RALGPS2: variants seen among roughly 807,000 people sequenced by gnomAD.
RALGPS2 encodes the protein ras-specific guanine nucleotide-releasing factor RalGPS2.
Under a neutral mutation model 86.8 loss-of-function variants are expected in RALGPS2, and 43 were observed. That is an observed-to-expected ratio of 0.50 (90% CI 0.39 to 0.64). RALGPS2 has a LOEUF of 0.64. Ranked by LOEUF, RALGPS2 falls within the 30% of genes least tolerant of loss-of-function variation. The pLI, the probability that RALGPS2 is intolerant of heterozygous loss-of-function variation, is 0.00. For synonymous variants in RALGPS2, 243 were observed against 231.3 expected (o/e 1.05, Z -0.46); for missense variants, 536 against 694.6 (o/e 0.77, Z 2.57).
At chr1:178,728,874 T>A (rs1650180645) in intron 1 of RALGPS2, among the ~76,000 whole-genome samples, 1 of 152,212 alleles carries the variant, frequency 6.6e-6, no homozygotes, top group Non-Finnish European at 1.5e-5. Flanking sequence ...GTGTTACATT[T>A]ACCTATTCTA....
intron 1 of RALGPS2, among the ~76,000 whole-genome samples, chr1:178,763,976 G>C (rs1027751314): frequency 1.3e-5 from 2 of 151,992 alleles, no homozygotes; most frequent in Admixed American, 6.6e-5. Flanking sequence ...TCTCTTGTCT[G>C]TGTGGAGTGT....
At chr1:178,781,843 A>G (rs899834236) in intron 2 of RALGPS2, among the ~76,000 whole-genome samples, 3 of 152,160 alleles carry the variant, frequency 2.0e-5, no homozygotes, top group Non-Finnish European at 4.4e-5. Context: ...TAGTTTTGGG[A>G]TGTAAAATAA....
At chr1:178,791,360 C>G (rs1432977618) in intron 4 of RALGPS2, among the ~76,000 whole-genome samples, 1 of 149,550 alleles carries the variant, frequency 6.7e-6, no homozygotes, top group African/African-American at 2.5e-5. Flanking sequence ...AATGCCTGGG[C>G]TCAAGCGATC....
intron 17 of RALGPS2, 111 bp from the exon 18 acceptor site, chr1:178,901,995 C>A: frequency 1.3e-6 from 1 of 763,908 alleles, no homozygotes. Flanking sequence ...CATGAAGTCA[C>A]AAATCTCATC....
At chr1:178,826,945 T>TA (rs1224320245) in intron 7 of RALGPS2, among the ~76,000 whole-genome samples, 1 of 152,220 alleles carries the variant, frequency 6.6e-6, no homozygotes, top group Non-Finnish European at 1.5e-5. Context: ...ATAGAACTAT[T>TA]AGAGTTCTAA....
chr1:178,906,783 G>T lies in RALGPS2; in HGVS notation c.1638G>T (p.Ser546=), dbSNP rs140232612. The T allele has an allele frequency of 1.2e-6, 2 of 1,608,542 alleles. No homozygotes were observed. The highest frequency in any genetic ancestry group is 8.5e-7 in the Non-Finnish European group (1 of 1,178,216). The change falls in exon 19 of 20, where the codon TCG becomes TCT. Residue 546 remains serine (S), a synonymous_variant. Transcript: ENST00000367635. ...FLLTDSEKGN[S]YKFQAGNRMN... Reference sequence around the variant, plus strand: ...TATTTTGGATAATTTTAGGAAATTCGTACAAGTTTCAAGCTGGCAATAGAA... The same window carrying T: ...TATTTTGGATAATTTTAGGAAATTCTTACAAGTTTCAAGCTGGCAATAGAA...
In RALGPS2 at chr1:178,921,265, G is replaced by C. The variant is rs959434040; in HGVS notation, c.*4906G>C. The C allele has an allele frequency of 9.9e-5, 15 of 151,862 alleles. No individual in the cohort carries two copies. The highest frequency in any genetic ancestry group is 3.6e-4 in the African/African-American group (15 of 41,362). 9.4% of individuals were successfully genotyped at this position (151,862 alleles called of 1,614,324 possible). A position where few individuals can be genotyped will look rare whatever the true frequency, so the allele number is the denominator to read the frequency against. ...TACATAATTACAGTGTTTTGGGATT[G>C]GGCTCTTTTTTTTCTTAATAGAAAA... On this transcript the variant is annotated 3_prime_UTR_variant, in exon 20 of 20. Transcript: ENST00000367635.
intron 4 of RALGPS2, among the ~76,000 whole-genome samples, chr1:178,797,852 A>G (rs1007186580): frequency 6.6e-6 from 1 of 151,074 alleles, no homozygotes; most frequent in Non-Finnish European, 1.5e-5. Flanking sequence ...CTCCTCTCCT[A>G]CTCCTCACCA....
At chr1:178,845,101 CAA>C (rs769062978) in intron 8 of RALGPS2, among the ~76,000 whole-genome samples, 15 of 85,514 alleles carry the variant, frequency 1.8e-4, no homozygotes, top group Admixed American at 1.3e-4. Context: ...GACTCCATCT[CAA>C]AAAAAAAAAA....
chr1:178,803,896 T>C (rs1654603374), intron 4 of RALGPS2, among the ~76,000 whole-genome samples: 1 of 152,184 alleles, frequency 6.6e-6, no homozygotes, highest in Non-Finnish European at 1.5e-5. Context: ...GTTTTTAGCT[T>C]ACATCACATG....
rs1572396284 is a variant in RALGPS2 at position 178,848,575 on chromosome 1, A to G, written c.607+15025A>G. Among the ~76,000 whole-genome samples the G allele has an allele frequency of 2.0e-5, 3 of 152,260 alleles. No individual in the cohort carries two copies. The East Asian group carries it at 5.8e-4, about 29-fold the overall frequency. ...TTTTGGTCCAGCCACTTAACTGCCT[A>G]CTATAACAGCTGTCATGGCTTTGTT... On this transcript the variant is annotated intron_variant, in intron 8 of 19. Coordinates refer to ENST00000367635, the MANE Select transcript of RALGPS2 (RefSeq NM_152663.5).
chr1:178,790,877 C>T (rs926132567), intron 4 of RALGPS2, among the ~76,000 whole-genome samples: 1 of 152,056 alleles, frequency 6.6e-6, no homozygotes, highest in Admixed American at 6.6e-5. Flanking sequence ...AAAATGATGT[C>T]TCTTTATATA....
chr1:178,731,530 A>C (rs948190970), intron 1 of RALGPS2, among the ~76,000 whole-genome samples: 14 of 151,728 alleles, frequency 9.2e-5, no homozygotes, highest in African/African-American at 3.4e-4. Flanking sequence ...TGATCCGCCT[A>C]CCTCGGCCTC....
intron 8 of RALGPS2, among the ~76,000 whole-genome samples, chr1:178,862,213 A>G (rs1288581715): frequency 1.3e-5 from 2 of 152,040 alleles, no homozygotes; most frequent in African/African-American, 2.4e-5. Context: ...ATTTAATGAT[A>G]CTCTGGCCTA....
At chr1:178,838,857 C>T (rs1033852685) in intron 8 of RALGPS2, among the ~76,000 whole-genome samples, 12 of 152,264 alleles carry the variant, frequency 7.9e-5, no homozygotes, top group African/African-American at 2.4e-4. Context: ...ACAAGAACTA[C>T]GTGACACATG....
chr1:178,910,759 A>T (rs748751969), intron 19 of RALGPS2, among the ~76,000 whole-genome samples: 1 of 152,180 alleles, frequency 6.6e-6, no homozygotes, highest in Non-Finnish European at 1.5e-5. Flanking sequence ...TGGAATCAGA[A>T]TGATGTTGGC....
chr1:178,916,229 TAAG>T, intron 19 of RALGPS2, 98 bp from the exon 20 acceptor site: 1 of 908,664 alleles, frequency 1.1e-6, no homozygotes, highest in Non-Finnish European at 1.7e-6. Context: ...AAAAGATACT[TAAG>T]TAGAAAGATT....
intron 8 of RALGPS2, among the ~76,000 whole-genome samples, chr1:178,856,232 T>TAC (rs1445416242): frequency 5.4e-5 from 7 of 130,430 alleles, no homozygotes; most frequent in African/African-American, 2.2e-4. Context: ...TATATATATA[T>TAC]ATGGTTTTGG....
intron 15 of RALGPS2, among the ~76,000 whole-genome samples, chr1:178,893,199 C>G (rs1355566341): frequency 1.3e-5 from 2 of 150,708 alleles, no homozygotes; most frequent in Admixed American, 6.6e-5. Flanking sequence ...AAACATAGGA[C>G]CTTAAATCAA....
Sources: allele counts gnomAD v4.1 joint callset (sites outside exome capture counted in the v4.1 genomes callset), GRCh38; gene constraint gnomAD v4.1.1; transcripts MANE v1.5; gene names NCBI Gene and HGNC (gene_info 2026-07-23, HGNC 2026-07-21).